Variants in SAMD13 observed in about 807,000 individuals in gnomAD.
SAMD13 encodes sterile alpha motif domain-containing protein 13.
Under a neutral mutation model 12.4 loss-of-function variants are expected in SAMD13, and 9 were observed. That is an observed-to-expected ratio of 0.72 (90% CI 0.44 to 1.26). The LOEUF is 1.26. SAMD13 is among the 50% of genes most tolerant of loss of function. SAMD13 has a pLI of 0.00. For missense variants in SAMD13, 84 were observed against 119.6 expected (o/e 0.70, Z 1.39); for synonymous variants, 46 against 45.4 (o/e 1.01, Z -0.05).
intron 2 of SAMD13, chr1:84,303,677 A>G (rs1482717484): frequency 6.1e-6 from 1 of 165,248 alleles, no homozygotes; most frequent in Non-Finnish European, 1.3e-5. Flanking sequence ...AACTCTGAAA[A>G]CTAAGAGCTA....
intron 2 of SAMD13, among the ~76,000 whole-genome samples, chr1:84,308,301 A>G (rs1678629030): frequency 6.6e-6 from 1 of 152,202 alleles, no homozygotes; most frequent in Non-Finnish European, 1.5e-5. Context: ...GAGTTAGATT[A>G]TAATGCAGAC....
chr1:84,332,311 C>G (rs1276542798), intron 3 of SAMD13, among the ~76,000 whole-genome samples: 1 of 152,220 alleles, frequency 6.6e-6, no homozygotes, highest in African/African-American at 2.4e-5. Flanking sequence ...AATCACCAAA[C>G]TTCTCTCCAC....
upstream of SAMD13, chr1:84,299,743 G>C (rs957062312): frequency 1.8e-6 from 1 of 548,310 alleles, no homozygotes; most frequent in East Asian, 6.7e-5. Flanking sequence ...TAGCTGGTAA[G>C]TGAAACCTGT....
chr1:84,347,455 T>A (rs532751910), intron 3 of SAMD13, among the ~76,000 whole-genome samples: 1 of 152,378 alleles, frequency 6.6e-6, no homozygotes, highest in South Asian at 2.1e-4. Flanking sequence ...CATACTTGGC[T>A]TTTGACAGAA....
intron 1 of SAMD13, 131 bp from the exon 2 acceptor site, chr1:84,303,071 CT>C: frequency 3.1e-6 from 2 of 653,568 alleles, no homozygotes; most frequent in Non-Finnish European, 5.2e-6. Flanking sequence ...GCCGAGGGAA[CT>C]GGAGATTTAA....
intron 3 of SAMD13, among the ~76,000 whole-genome samples, chr1:84,342,002 G>A (rs1406802990): frequency 6.6e-6 from 1 of 152,180 alleles, no homozygotes; most frequent in African/African-American, 2.4e-5. Flanking sequence ...CCCAGGTGAA[G>A]GAGGCCTTGT....
intron 3 of SAMD13, among the ~76,000 whole-genome samples, chr1:84,344,347 G>A (rs1228608802): frequency 1.3e-5 from 2 of 152,130 alleles, no homozygotes; most frequent in Admixed American, 6.6e-5. Flanking sequence ...TCCCCACAGT[G>A]TATATTATCC....
intron 3 of SAMD13, among the ~76,000 whole-genome samples, chr1:84,334,119 G>A (rs1247019651): frequency 1.3e-5 from 2 of 152,078 alleles, no homozygotes; most frequent in African/African-American, 4.8e-5. Flanking sequence ...AATAGTTTCA[G>A]TAGGAATGGT....
intron 3 of SAMD13, among the ~76,000 whole-genome samples, chr1:84,339,172 A>C (rs193280828): frequency 6.6e-6 from 1 of 152,154 alleles, no homozygotes; most frequent in Non-Finnish European, 1.5e-5. Flanking sequence ...GTTAAGAACA[A>C]TTATTGGGGA....
intron 3 of SAMD13, among the ~76,000 whole-genome samples, chr1:84,326,256 G>A (rs1679058151): frequency 6.6e-6 from 1 of 152,166 alleles, no homozygotes; most frequent in South Asian, 2.1e-4. Flanking sequence ...CTATCTCTAT[G>A]TGACCCTAGG....
In SAMD13 at chr1:84,331,354, A is replaced by AATAC. The variant is rs1553201705; in HGVS notation, c.165+5607_165+5608insTACA. Among the ~76,000 whole-genome samples, 13 of 82,432 alleles carry AATAC rather than the reference A, an allele frequency of 1.6e-4. 4 individuals are homozygous for AATAC. Among genetic ancestry groups the AATAC allele is most frequent in the South Asian group, 4.3e-4 (1 of 2,346 alleles). The allele number at this position is 82,432 out of a possible 152,430, so 54.1% of individuals were successfully genotyped here. On this transcript the variant is annotated intron_variant, in intron 3 of 3. Transcript: ENST00000394834. ...AAAAAAAAAAAAAAAAAAAAAAAAA[A>AATAC]AAAATTATGGATACAAACTTGTTAA... is the stretch of plus-strand genomic sequence containing the variant.
intron 2 of SAMD13, among the ~76,000 whole-genome samples, chr1:84,307,231 G>A (rs1294051471): frequency 6.6e-6 from 1 of 152,128 alleles, no homozygotes; most frequent in South Asian, 2.1e-4. Flanking sequence ...CATTTTAAAA[G>A]TCATTTTCTC....
In SAMD13 at chr1:84,337,222, G is replaced by A. The variant is rs1679317517; in HGVS notation, c.165+11474G>A. 3.9e-5 allele frequency among the ~76,000 whole-genome samples: 6 copies of A among 152,132 alleles called. No homozygotes were observed. In the South Asian group the frequency reaches 1.0e-3, roughly 26 times the overall value. ...TGGCCCTCTTCTCTCAGCTCCACTAGGTGGTGCCTCAGTAGGGACTCTATA... is the reference window on the plus strand; with the variant it reads ...TGGCCCTCTTCTCTCAGCTCCACTAAGTGGTGCCTCAGTAGGGACTCTATA... On this transcript the variant is annotated intron_variant, in intron 3 of 3. Coordinates refer to ENST00000394834, the MANE Select transcript of SAMD13 (RefSeq NM_001134663.2).
chr1:84,325,787 G>A (rs1193433218), intron 3 of SAMD13, 39 bp downstream of exon 3: 5 of 1,257,754 alleles, frequency 4.0e-6, no homozygotes, highest in Non-Finnish European at 5.8e-6. Context: ...AACATGTGAT[G>A]AACCCACAGT....
upstream of SAMD13, chr1:84,299,664 T>TAC: frequency 1.1e-6 from 1 of 926,802 alleles, no homozygotes; most frequent in East Asian, 3.9e-5. Context: ...AGTGTATATA[T>TAC]ATATATATAT....
intron 2 of SAMD13, among the ~76,000 whole-genome samples, chr1:84,318,674 A>G (rs1678883314): frequency 1.3e-5 from 2 of 152,142 alleles, no homozygotes; most frequent in Non-Finnish European, 2.9e-5. Flanking sequence ...TTTCTTGAAT[A>G]TTGATAATAT....
At chr1:84,321,912 C>G (rs993333789) in intron 2 of SAMD13, among the ~76,000 whole-genome samples, 4 of 152,176 alleles carry the variant, frequency 2.6e-5, no homozygotes, top group African/African-American at 9.7e-5. Context: ...AATCATCCAT[C>G]GTGCATTAAC....
At chr1:84,298,543 C>T (rs1678362528), upstream of SAMD13, 3 of 1,265,040 alleles carry the variant, frequency 2.4e-6, no homozygotes, top group Non-Finnish European at 3.0e-6. Flanking sequence ...GCGGGGCAAA[C>T]CTCCCGGCGC....
At chr1:84,306,708 G>C (rs1678582894) in intron 2 of SAMD13, among the ~76,000 whole-genome samples, 1 of 148,390 alleles carries the variant, frequency 6.7e-6, no homozygotes, top group South Asian at 2.1e-4. Context: ...TTACATGCCT[G>C]TAATCCCAGC....
Sources: allele counts gnomAD v4.1 joint callset (sites outside exome capture counted in the v4.1 genomes callset), GRCh38; gene constraint gnomAD v4.1.1; transcripts MANE v1.5; gene names NCBI Gene and HGNC (gene_info 2026-07-23, HGNC 2026-07-21).